PARM1: variants seen among roughly 807,000 people sequenced by gnomAD.
PARM1 encodes WSC4, cell wall integrity and stress response component 4 homolog.
In PARM1, 14 loss-of-function variants were observed where a neutral mutation model predicts 24.6. The observed-to-expected ratio is 0.57, with a 90% confidence interval of 0.38 to 0.89. The LOEUF (loss-of-function observed/expected upper bound fraction) is 0.89. Ranked by LOEUF, PARM1 falls within the 40% of genes least tolerant of loss-of-function variation. PARM1 has a pLI of 0.00. For missense variants in PARM1, 362 were observed against 380.4 expected (o/e 0.95, Z 0.40); for synonymous variants, 179 against 156.6 (o/e 1.14, Z -1.07).
intron 3 of PARM1, among the ~76,000 whole-genome samples, chr4:75,040,966 A>G (rs1723471729): frequency 6.6e-6 from 1 of 152,026 alleles, no homozygotes; most frequent in Non-Finnish European, 1.5e-5. Context: ...ATTCAGAATT[A>G]CAGTCCCCAC....
At position 74,962,441 on chromosome 4, in the gene PARM1, A is replaced by G. The variant is rs139962288; in HGVS notation, c.43+29071A>G. On this transcript the variant is annotated intron_variant, in intron 1 of 3. Coordinates refer to ENST00000307428, the MANE Select transcript of PARM1 (RefSeq NM_015393.4). Reference sequence around the variant, plus strand: ...AGAATAGAAATAAAATGACAGAAGTAAGTCTCTTCTTATCTGAAATTATTT... The same window carrying G: ...AGAATAGAAATAAAATGACAGAAGTGAGTCTCTTCTTATCTGAAATTATTT... Among the ~76,000 whole-genome samples the G allele has an allele frequency of 3.1e-3, 479 of 152,326 alleles. 4 individuals are homozygous for G. The highest frequency in any genetic ancestry group is 0.011 in the African/African-American group (468 of 41,582).
chr4:74,952,269 G>A (rs935973862), intron 1 of PARM1, among the ~76,000 whole-genome samples: 5 of 151,952 alleles, frequency 3.3e-5, no homozygotes, highest in East Asian at 1.9e-4. Flanking sequence ...TACTTTGCCC[G>A]CTTTTTAATG....
chr4:74,934,312 G>A (rs1048732293), intron 1 of PARM1, among the ~76,000 whole-genome samples: 10 of 152,204 alleles, frequency 6.6e-5, no homozygotes, highest in African/African-American at 2.4e-4. Context: ...CGACTGCGCG[G>A]CCACTGGCAT....
chr4:74,963,451 C>A (rs1316001937), intron 1 of PARM1, among the ~76,000 whole-genome samples: 2 of 152,090 alleles, frequency 1.3e-5, no homozygotes, highest in African/African-American at 4.8e-5. Flanking sequence ...TATATACATG[C>A]AGTGAAATAT....
chr4:75,033,742 A>T, intron 2 of PARM1, 141 bp from the exon 3 acceptor site: 1 of 554,950 alleles, frequency 1.8e-6, no homozygotes, highest in African/African-American at 1.9e-5. Flanking sequence ...TGTGAATGTC[A>T]TGCAGAATGA....
At chr4:75,008,593 C>T (rs541459526) in intron 1 of PARM1, among the ~76,000 whole-genome samples, 7 of 152,216 alleles carry the variant, frequency 4.6e-5, no homozygotes, top group Non-Finnish European at 7.4e-5. Flanking sequence ...AAATGTCATT[C>T]GAAAATGGCA....
chr4:74,939,388 G>C (rs558243766), intron 1 of PARM1, among the ~76,000 whole-genome samples: 1 of 152,214 alleles, frequency 6.6e-6, no homozygotes, highest in African/African-American at 2.4e-5. Context: ...CCTGAACATT[G>C]ATGGGATTTC....
chr4:75,001,804 A>G (rs1722684843), intron 1 of PARM1, among the ~76,000 whole-genome samples: 2 of 152,158 alleles, frequency 1.3e-5, no homozygotes, highest in South Asian at 4.1e-4. Flanking sequence ...CTCCCCCATC[A>G]GAGGAAACAC....
rs141474992 is a variant in PARM1, at chr4:75,033,737, A to C, written c.770-146A>C. On this transcript the variant is annotated intron_variant, in intron 2 of 3. Transcript: ENST00000307428. ...ATCCTGGGTTTTATTCTAGCTGTGA[A>C]TGTCATGCAGAATGATCTGAAGTAG... 2,013 of 529,362 alleles carry C rather than the reference A, an allele frequency of 3.8e-3. 41 individuals carry two copies. Among genetic ancestry groups the C allele is most frequent in the African/African-American group, 0.035 (1,754 of 50,686 alleles). 32.8% of individuals were successfully genotyped at this position (529,362 alleles called of 1,614,324 possible).
chr4:74,957,137 A>T (rs940924969), intron 1 of PARM1: 1 of 152,252 alleles, frequency 6.6e-6, no homozygotes, highest in Non-Finnish European at 1.5e-5. Context: ...CCATTGTGTT[A>T]GGCACTTCAC....
At chr4:75,023,415 A>G (rs1471314264) in intron 2 of PARM1, among the ~76,000 whole-genome samples, 1 of 152,234 alleles carries the variant, frequency 6.6e-6, no homozygotes, top group Non-Finnish European at 1.5e-5. Context: ...TAAGCACTAC[A>G]TAAACGTTAG....
At chr4:74,975,579 G>T (rs939144306) in intron 1 of PARM1, among the ~76,000 whole-genome samples, 1 of 152,138 alleles carries the variant, frequency 6.6e-6, no homozygotes, top group African/African-American at 2.4e-5. Flanking sequence ...GAAGTCAAAG[G>T]TATATTTTAT....
At chr4:75,034,447 T>G (rs930426399) in intron 3 of PARM1, among the ~76,000 whole-genome samples, 4 of 152,220 alleles carry the variant, frequency 2.6e-5, no homozygotes, top group African/African-American at 9.6e-5. Flanking sequence ...AAGGAAGGTG[T>G]GGCATTTCCT....
At chr4:75,032,008 A>G (rs1723284996) in intron 2 of PARM1, among the ~76,000 whole-genome samples, 1 of 152,218 alleles carries the variant, frequency 6.6e-6, no homozygotes. Context: ...GTTTTCCATA[A>G]GGGGAACTGA....
intron 1 of PARM1, among the ~76,000 whole-genome samples, chr4:74,981,210 C>T (rs1474898722): frequency 2.2e-4 from 34 of 152,060 alleles, no homozygotes; most frequent in Non-Finnish European, 5.9e-5. Context: ...TGCAATCTAT[C>T]CATCTGACAA....
At chr4:74,995,724 A>G (rs1215744887) in intron 1 of PARM1, among the ~76,000 whole-genome samples, 1 of 152,130 alleles carries the variant, frequency 6.6e-6, no homozygotes, top group African/African-American at 2.4e-5. Context: ...CTACTACCTT[A>G]GGCCAGAACA....
intron 3 of PARM1, among the ~76,000 whole-genome samples, chr4:75,040,074 C>T (rs188483326): frequency 6.3e-4 from 96 of 152,178 alleles, no homozygotes; most frequent in Admixed American, 2.1e-3. Flanking sequence ...CAGTACCTGA[C>T]GTATAGTAGT....
chr4:74,967,250 G>T (rs1222465713), intron 1 of PARM1: 1 of 152,214 alleles, frequency 6.6e-6, no homozygotes, highest in Admixed American at 6.5e-5. Flanking sequence ...TCTTGGTGCA[G>T]AATGTACGGT....
intron 2 of PARM1, among the ~76,000 whole-genome samples, chr4:75,014,556 C>T (rs186227278): frequency 1.7e-4 from 26 of 152,220 alleles, no homozygotes; most frequent in African/African-American, 6.0e-4. Flanking sequence ...GGCTGAGGGA[C>T]ACAACAATCT....
Sources: allele counts gnomAD v4.1 joint callset (sites outside exome capture counted in the v4.1 genomes callset), GRCh38; gene constraint gnomAD v4.1.1; transcripts MANE v1.5; gene names NCBI Gene and HGNC (gene_info 2026-07-23, HGNC 2026-07-21).